CMYA5: variants seen among roughly 807,000 people sequenced by gnomAD.
CMYA5 encodes the protein cardiomyopathy associated 5, also known as cardiomyopathy-associated protein 5.
Under a neutral mutation model 318.9 loss-of-function variants are expected in CMYA5, and 246 were observed. The ratio of observed to expected loss-of-function variants is 0.77; its 90% CI spans 0.70 to 0.86. The LOEUF is 0.86. Ranked by LOEUF, CMYA5 falls within the 40% of genes least tolerant of loss-of-function variation. The pLI is 0.00. For missense variants in CMYA5, 4,589 were observed against 4,678.2 expected (o/e 0.98, Z 0.56); for synonymous variants, 1,641 against 1,729.5 (o/e 0.95, Z 1.27).
rs746031798 is a variant in CMYA5, at chr5:79,728,989, C to T, written c.224C>T (p.Thr75Ile). 1.9e-6 allele frequency: 3 copies of T among 1,613,604 alleles called. No homozygotes were observed. Among genetic ancestry groups the T allele is most frequent in the Non-Finnish European group, 2.5e-6 (3 of 1,179,690 alleles). Reference protein sequence around the residue: ...IISDPSFSMVTVQREDSGITW... With the variant: ...IISDPSFSMVIVQREDSGITW... ...TCTGACCCCTCCTTTTCCATGGTGA[C>T]AGTCCAAAGGGAAGATAGTGGGATA... The change falls in exon 2 of 13, where the codon ACA (threonine) becomes ATA (isoleucine). Residue 75 changes from threonine (T) to isoleucine (I), a missense_variant. Thr to Ile is a moderately conservative substitution (Grantham distance 89, BLOSUM62 -1). This residue lies in a region of CMYA5 where 2,132 missense variants were observed against 2,131.3 expected (regional missense o/e 1.00). Transcript: ENST00000446378.
In CMYA5 at chr5:79,791,047, G is replaced by C. The variant is rs368590078; in HGVS notation, c.11767G>C (p.Gly3923Arg). The change falls in exon 11 of 13, where the codon GGT becomes CGT. Residue 3923 changes from glycine to arginine, a missense_variant. This residue lies in a region of CMYA5 where 2,431 missense variants were observed against 2,495.1 expected (regional missense o/e 0.97). Transcript: ENST00000446378. Reference protein sequence around the residue: ...ISSSGTVISFGERRRLTEIPS... With the variant: ...ISSSGTVISFRERRRLTEIPS... ...CTCAAGTGGGACAGTGATCAGCTTT[G>C]GTGAGAGGAGACGGCTGACGGAGTA... is the stretch of plus-strand genomic sequence containing the variant. 1.2e-6 allele frequency: 2 copies of C among 1,613,542 alleles called. No individual in the cohort carries two copies. Among genetic ancestry groups the C allele is most frequent in the Non-Finnish European group, 1.7e-6 (2 of 1,179,580 alleles).
rs764278881 is a variant in CMYA5, at chr5:79,758,910, T to A, written c.11260+8T>A. ...ATGATCAAGAAGTAAATGGTAGGATTGCTAACACAAATACAAATGCATATG... is the reference window on the plus strand; with the variant it reads ...ATGATCAAGAAGTAAATGGTAGGATAGCTAACACAAATACAAATGCATATG... On this transcript the variant is annotated splice_region_variant and intron_variant, in intron 7 of 12. Transcript: ENST00000446378. 6.4e-7 allele frequency: 1 copy of A among 1,561,680 alleles called. No individual in the cohort carries two copies. Among genetic ancestry groups the A allele is most frequent in the Non-Finnish European group, 8.7e-7 (1 of 1,153,520 alleles).
intron 5 of CMYA5, among the ~76,000 whole-genome samples, chr5:79,749,916 A>G (rs1197665849): frequency 6.6e-6 from 1 of 152,202 alleles, no homozygotes; most frequent in Non-Finnish European, 1.5e-5. Context: ...CTCTGCTTAA[A>G]AACTGTGTCA....
chr5:79,764,837 GT>G (rs889395093), intron 9 of CMYA5, among the ~76,000 whole-genome samples: 5 of 150,814 alleles, frequency 3.3e-5, no homozygotes, highest in Admixed American at 2.6e-4. Context: ...TTTTGATGGG[GT>G]TTTTTTTTCT....
intron 12 of CMYA5, among the ~76,000 whole-genome samples, chr5:79,795,027 A>C (rs115860212): frequency 0.013 from 1,915 of 152,282 alleles, 25 homozygotes; most frequent in African/African-American, 0.035. Context: ...ATGTCTGTAC[A>C]CCCTCAAATC....
chr5:79,741,969 T>C (rs1828215806), intron 2 of CMYA5, among the ~76,000 whole-genome samples: 1 of 152,066 alleles, frequency 6.6e-6, no homozygotes, highest in Non-Finnish European at 1.5e-5. Context: ...GCCATGAAGA[T>C]TAGTAAGAGT....
chr5:79,696,544 A>C (rs1379986928), intron 1 of CMYA5, among the ~76,000 whole-genome samples: 1 of 152,208 alleles, frequency 6.6e-6, no homozygotes, highest in Admixed American at 6.5e-5. Flanking sequence ...TTCACTTGCT[A>C]AATAGAAATT....
intron 6 of CMYA5, among the ~76,000 whole-genome samples, chr5:79,755,399 G>A (rs1414816865): frequency 6.6e-6 from 1 of 151,814 alleles, no homozygotes; most frequent in Non-Finnish European, 1.5e-5. Context: ...CCATTCTTAT[G>A]CCTCAGCCTC....
chr5:79,734,807 G>A lies in CMYA5; in HGVS notation c.6042G>A (p.Met2014Ile), dbSNP rs767053141. The A allele has an allele frequency of 6.2e-7, 1 of 1,613,764 alleles. No individual in the cohort carries two copies. The highest frequency in any genetic ancestry group is 1.1e-5 in the South Asian group (1 of 91,066). ...IAEGKEIHSLMESESLLLEKA... is the reference protein window; with the variant it reads ...IAEGKEIHSLIESESLLLEKA... Reference sequence around the variant, plus strand: ...AGGGGAAGGAGATTCATTCTTTGATGGAGAGTGAAAGTTTGCTATTGGAGA... The same window carrying A: ...AGGGGAAGGAGATTCATTCTTTGATAGAGAGTGAAAGTTTGCTATTGGAGA... The change falls in exon 2 of 13, where the codon ATG becomes ATA. Residue 2014 changes from methionine to isoleucine, a missense_variant. By Grantham distance (10) the Met-to-Ile change is conservative. Transcript: ENST00000446378.
intron 10 of CMYA5, 56 bp from the exon 11 acceptor site, chr5:79,790,914 G>A: frequency 8.4e-7 from 1 of 1,184,606 alleles, no homozygotes; most frequent in Non-Finnish European, 1.2e-6. Context: ...GCTTAGCCTA[G>A]GGACAGCACT....
intron 7 of CMYA5, among the ~76,000 whole-genome samples, chr5:79,760,060 A>G (rs1291992904): frequency 6.6e-6 from 1 of 152,188 alleles, no homozygotes; most frequent in African/African-American, 2.4e-5. Context: ...TTCAGGCTCC[A>G]AAGTTTATTC....
chr5:79,719,043 A>G lies in CMYA5; in HGVS notation c.150-9872A>G, dbSNP rs1827570561. Among the ~76,000 whole-genome samples the G allele has an allele frequency of 3.3e-5, 5 of 151,188 alleles. No homozygotes were observed. The South Asian group carries it at 1.0e-3, about 32-fold the overall frequency. ...CCTGTTGTTAAGTGACACGTGTTAT[A>G]CAAACTTAACCTTCAGATAAAAATA... On this transcript the variant is annotated intron_variant, in intron 1 of 12. Coordinates refer to ENST00000446378, the MANE Select transcript of CMYA5 (RefSeq NM_153610.5).
At chr5:79,767,199 C>T (rs746536480) in intron 9 of CMYA5, among the ~76,000 whole-genome samples, 2 of 151,986 alleles carry the variant, frequency 1.3e-5, no homozygotes, top group Non-Finnish European at 2.9e-5. Context: ...TGTCTCTATT[C>T]TTCTTTATTA....
chr5:79,764,874 G>T (rs1355926383), intron 9 of CMYA5, among the ~76,000 whole-genome samples: 3 of 151,996 alleles, frequency 2.0e-5, no homozygotes, highest in Non-Finnish European at 4.4e-5. Flanking sequence ...GTTCCTTGTA[G>T]ATTCTGGATA....
intron 1 of CMYA5, among the ~76,000 whole-genome samples, chr5:79,720,562 A>G (rs945922614): frequency 6.0e-5 from 9 of 149,144 alleles, no homozygotes; most frequent in Admixed American, 2.1e-4. Context: ...TCAGCTTCCC[A>G]GGTAGCTGGG....
Position 79,730,024 on chromosome 5 carries a change from A to G in CMYA5, c.1259A>G (p.Asn420Ser). ...NDSSVSPSFA[N>S]EVKKEDVYSA... ...TCTTCAGTCTCACCATCATTTGCTA[A>G]TGAGGTAAAGAAGGAAGATGTGTAT... Residue 420 changes from asparagine to serine, a missense_variant, in exon 2 of 13, where the codon AAT becomes AGT. Transcript: ENST00000446378. 6.2e-7 allele frequency: 1 copy of G among 1,614,020 alleles called. No homozygotes were observed. Among genetic ancestry groups the G allele is most frequent in the Non-Finnish European group, 8.5e-7 (1 of 1,179,890 alleles).
At position 79,775,925 on chromosome 5, in the gene CMYA5, T is replaced by G. The variant is rs192317287; in HGVS notation, c.11555+12716T>G. Among the ~76,000 whole-genome samples the G allele has an allele frequency of 8.2e-4, 125 of 152,298 alleles. 1 individual carries two copies. Among genetic ancestry groups the G allele is most frequent in the Admixed American group, 3.2e-3 (49 of 15,296 alleles). The stretch of plus-strand genomic sequence containing the variant: ...CTCCTGGGATTCTCTGCCTGGAATA[T>G]AAATGATACCATTCAGCCTTTGGAG... On this transcript the variant is annotated intron_variant, in intron 9 of 12. Coordinates refer to ENST00000446378, the MANE Select transcript of CMYA5 (RefSeq NM_153610.5).
chr5:79,723,817 T>C (rs1049741883), intron 1 of CMYA5, among the ~76,000 whole-genome samples: 1 of 150,928 alleles, frequency 6.6e-6, no homozygotes, highest in East Asian at 1.9e-4. Flanking sequence ...CAGGGTAATA[T>C]CACTCATTAA....
At chr5:79,719,209 C>T (rs1827573645) in intron 1 of CMYA5, among the ~76,000 whole-genome samples, 2 of 152,202 alleles carry the variant, frequency 1.3e-5, no homozygotes, top group South Asian at 2.1e-4. Flanking sequence ...ACCCATTTCC[C>T]TCTTTAAAAG....
Sources: allele counts gnomAD v4.1 joint callset (sites outside exome capture counted in the v4.1 genomes callset), GRCh38; gene constraint gnomAD v4.1.1; regional missense constraint gnomAD v4.1.1; transcripts MANE v1.5; gene names NCBI Gene and HGNC (gene_info 2026-07-23, HGNC 2026-07-21).